Variants in PIRT observed in about 807,000 individuals in gnomAD.
The protein encoded by PIRT is phosphoinositide-interacting protein.
PIRT carries 6 observed loss-of-function variants against 7.9 expected under a neutral mutation model. The observed-to-expected ratio is 0.76, with a 90% CI of 0.42 to 1.51. PIRT has a LOEUF of 1.51. Ranked by LOEUF, PIRT falls within the 40% of genes most tolerant of loss-of-function variation. PIRT has a pLI of 0.01. For missense variants in PIRT, 170 were observed against 172.9 expected, an observed-to-expected ratio of 0.98 and a Z score of 0.09; for synonymous variants, 78 against 71.8, an observed-to-expected ratio of 1.09 and a Z score of -0.44.
intron 1 of PIRT, 141 bp downstream of exon 1, chr17:10,837,803 GC>G (rs1905627906): frequency 6.6e-6 from 1 of 152,268 alleles, no homozygotes; most frequent in African/African-American, 2.4e-5. Context: ...CCAGGGCATA[GC>G]CCCCTTTTCT....
chr17:10,836,395 T>C (rs1905594419), intron 1 of PIRT, among the ~76,000 whole-genome samples: 1 of 152,218 alleles, frequency 6.6e-6, no homozygotes, highest in African/African-American at 2.4e-5. Context: ...AAGAGGGTTG[T>C]CAGATTTAGA....
At chr17:10,826,664 G>C (rs1189009910) in intron 1 of PIRT, among the ~76,000 whole-genome samples, 1 of 152,200 alleles carries the variant, frequency 6.6e-6, no homozygotes, top group Non-Finnish European at 1.5e-5. Flanking sequence ...ACTTCTTGAA[G>C]ATCACACGAT....
In PIRT at chr17:10,823,628, G is replaced by A. The variant is rs1282617516; in HGVS notation, c.*1604C>T. On this transcript the variant is annotated 3_prime_UTR_variant, in exon 2 of 2. Coordinates refer to ENST00000580256, the MANE Select transcript of PIRT (RefSeq NM_001101387.2). ...ACACCTCATTACCAAATGCTCTCCA[G>A]GGGTCTTTGGCCTAGGGCAGCGTGG... 6.6e-6 allele frequency: 1 copy of A among 152,268 alleles called. No individual in the cohort carries two copies. Among genetic ancestry groups the A allele is most frequent in the African/African-American group, 2.4e-5 (1 of 41,454 alleles). 9.4% of individuals were successfully genotyped at this position (152,268 alleles called of 1,614,324 possible).
intron 1 of PIRT, among the ~76,000 whole-genome samples, chr17:10,831,415 G>A (rs534468402): frequency 1.6e-4 from 25 of 152,256 alleles, no homozygotes; most frequent in African/African-American, 6.0e-4. Context: ...AGTGAGAGTG[G>A]GTTCTAAATC....
intron 1 of PIRT, among the ~76,000 whole-genome samples, chr17:10,831,366 A>G (rs1905458729): frequency 1.3e-5 from 2 of 152,200 alleles, no homozygotes; most frequent in African/African-American, 4.8e-5. Flanking sequence ...GTCACTGCAG[A>G]TACAATCAAG....
intron 1 of PIRT, among the ~76,000 whole-genome samples, chr17:10,835,089 C>T (rs933681850): frequency 6.6e-6 from 1 of 152,162 alleles, no homozygotes; most frequent in East Asian, 1.9e-4. Context: ...ACACACTGAC[C>T]AACTCCTCCC....
At chr17:10,827,527 T>C (rs1341041995) in intron 1 of PIRT, among the ~76,000 whole-genome samples, 1 of 133,760 alleles carries the variant, frequency 7.5e-6, no homozygotes, top group African/African-American at 2.8e-5. Flanking sequence ...CAGGCTGGAG[T>C]GCAGTGGTGC....
intron 1 of PIRT, among the ~76,000 whole-genome samples, chr17:10,829,612 G>A (rs547781632): frequency 6.6e-6 from 1 of 152,258 alleles, no homozygotes; most frequent in East Asian, 1.9e-4. Context: ...AGCTAGTCTG[G>A]ATGGGTCCCA....
chr17:10,828,821 A>T (rs558931922), intron 1 of PIRT, among the ~76,000 whole-genome samples: 4 of 152,194 alleles, frequency 2.6e-5, no homozygotes, highest in African/African-American at 9.7e-5. Context: ...ATTCTCTAGA[A>T]CAAGCAGTTA....
chr17:10,834,724 T>A (rs901258031), intron 1 of PIRT, among the ~76,000 whole-genome samples: 1 of 152,066 alleles, frequency 6.6e-6, no homozygotes, highest in Non-Finnish European at 1.5e-5. Context: ...CCCGAGTAGC[T>A]GGGACTACAG....
intron 1 of PIRT, among the ~76,000 whole-genome samples, chr17:10,830,368 A>G (rs1379209332): frequency 6.6e-6 from 1 of 152,198 alleles, no homozygotes. Flanking sequence ...GGAAAGACCC[A>G]GGTCTTTGGC....
intron 1 of PIRT, among the ~76,000 whole-genome samples, chr17:10,830,013 T>C (rs1238496266): frequency 6.7e-6 from 1 of 148,758 alleles, no homozygotes; most frequent in African/African-American, 2.5e-5. Context: ...CTATCTATCA[T>C]CATCATCTAT....
chr17:10,831,028 G>T (rs1905450697), intron 1 of PIRT, among the ~76,000 whole-genome samples: 1 of 152,180 alleles, frequency 6.6e-6, no homozygotes, highest in African/African-American at 2.4e-5. Flanking sequence ...ATCAAAGGCT[G>T]CTCTGGCCAG....
chr17:10,828,312 A>G (rs1163621374), intron 1 of PIRT, among the ~76,000 whole-genome samples: 2 of 151,994 alleles, frequency 1.3e-5, no homozygotes, highest in Non-Finnish European at 2.9e-5. Context: ...CAGCTCTCCG[A>G]GGCTTCTGCT....
chr17:10,825,372 C>T lies in PIRT; in HGVS notation c.274G>A (p.Val92Ile), dbSNP rs1161706728. 1 of 1,613,858 alleles carries T rather than the reference C, an allele frequency of 6.2e-7. No individual in the cohort carries two copies. The highest frequency in any genetic ancestry group is 1.1e-5 in the South Asian group (1 of 91,088). ...CCCAGGGACAGGAAGCCAGGCCCTACCATTTTGAGGATGGAGAGACTCTTG... is the reference window on the plus strand; with the variant it reads ...CCCAGGGACAGGAAGCCAGGCCCTATCATTTTGAGGATGGAGAGACTCTTG... The part of the protein sequence containing the change: ...SDKSLSILKM[V>I]GPGFLSLGLM... The change falls in exon 2 of 2, where the codon GTA becomes ATA. Residue 92 changes from valine (V) to isoleucine (I), a missense_variant. Physicochemically the swap from Val to Ile is conservative, Grantham distance 29. Transcript: ENST00000580256.
intron 1 of PIRT, among the ~76,000 whole-genome samples, chr17:10,828,018 A>G (rs1231244606): frequency 2.0e-5 from 3 of 152,318 alleles, no homozygotes; most frequent in African/African-American, 7.2e-5. Flanking sequence ...CACATCTTTA[A>G]TTGAATGAGT....
At chr17:10,827,720 C>T (rs1905367817) in intron 1 of PIRT, among the ~76,000 whole-genome samples, 1 of 151,976 alleles carries the variant, frequency 6.6e-6, no homozygotes, top group East Asian at 1.9e-4. Context: ...GGTGATCCAC[C>T]CTCCTTAGCC....
chr17:10,835,903 A>ATTT (rs71139073), intron 1 of PIRT, among the ~76,000 whole-genome samples: 1 of 140,618 alleles, frequency 7.1e-6, no homozygotes, highest in Admixed American at 7.1e-5. Flanking sequence ...CCAAATCCTG[A>ATTT]TTTTTTTTTT....
chr17:10,834,069 C>T (rs966620213), intron 1 of PIRT, among the ~76,000 whole-genome samples: 2 of 151,988 alleles, frequency 1.3e-5, no homozygotes, highest in African/African-American at 2.4e-5. Flanking sequence ...CCCTTTGACC[C>T]AGCAGTTCCA....
Sources: gnomAD v4.1 joint callset for allele counts (sites outside exome capture counted in the v4.1 genomes callset) on GRCh38, gnomAD v4.1.1 for gene constraint, MANE v1.5 for transcripts, NCBI Gene and HGNC (gene_info 2026-07-23, HGNC 2026-07-21) for gene names.